RNF180: variants seen among roughly 807,000 people sequenced by gnomAD.
The protein encoded by RNF180 is ring finger protein 180.
RNF180 carries 38 observed loss-of-function variants against 59.2 expected under a neutral mutation model. That is an observed-to-expected ratio of 0.64 (90% CI 0.50 to 0.84). RNF180 has a LOEUF of 0.84. Ranked by LOEUF, RNF180 falls within the 40% of genes least tolerant of loss-of-function variation. RNF180 has a pLI of 0.00. For synonymous variants in RNF180, 262 were observed against 240.3 expected (o/e 1.09, Z -0.84); for missense variants, 705 against 700.9 (o/e 1.01, Z -0.07).
In RNF180 at chr5:64,214,316, T is replaced by C; in HGVS notation, c.990T>C (p.Thr330=). ...YSDHTNTNNL[T]FLMDLPSAGR... is the part of the protein sequence containing the mutation. ...ACCATACTAATACTAACAATCTGAC[T>C]TTCCTGATGGACCTGCCCTCAGCTG... The change falls in exon 4 of 8, where the codon ACT becomes ACC. Residue 330 remains threonine (T), a synonymous_variant. Transcript: ENST00000389100. 1 of 1,614,068 alleles carries C rather than the reference T, an allele frequency of 6.2e-7. No homozygotes were observed. The highest frequency in any genetic ancestry group is 8.5e-7 in the Non-Finnish European group (1 of 1,180,006).
intron 1 of RNF180, among the ~76,000 whole-genome samples, chr5:64,182,272 C>T (rs554400136): frequency 9.9e-5 from 15 of 152,066 alleles, no homozygotes; most frequent in Non-Finnish European, 1.9e-4. Context: ...ATTACAGCTA[C>T]TTTCTTAAAT....
rs541711815 is a variant in RNF180 at position 64,358,480 on chromosome 5, T to C, written c.1580-11135T>C. 1.4e-4 allele frequency among the ~76,000 whole-genome samples: 22 copies of C among 151,866 alleles called. 1 individual carries two copies. Among genetic ancestry groups the C allele is most frequent in the African/African-American group, 5.3e-4 (22 of 41,522 alleles). On this transcript the variant is annotated intron_variant, in intron 7 of 7. Coordinates refer to ENST00000389100, the MANE Select transcript of RNF180 (RefSeq NM_001113561.2). ...AAAACTTGGATGTAATGGATAATCT[T>C]TTATAAAAGTTATTAGAAATGGCTC...
At chr5:64,349,888 C>G (rs1261618977) in intron 7 of RNF180, among the ~76,000 whole-genome samples, 1 of 152,090 alleles carries the variant, frequency 6.6e-6, no homozygotes, top group Non-Finnish European at 1.5e-5. Context: ...AATAGTGTTG[C>G]AATAAACATA....
chr5:64,306,122 T>TG (rs1411509427), intron 5 of RNF180, among the ~76,000 whole-genome samples: 1 of 151,706 alleles, frequency 6.6e-6, no homozygotes, highest in Non-Finnish European at 1.5e-5. Flanking sequence ...AAATGTAACT[T>TG]GCAGTTATTG....
chr5:64,368,267 AACT>A, intron 7 of RNF180, among the ~76,000 whole-genome samples: 1 of 151,922 alleles, frequency 6.6e-6, no homozygotes, highest in East Asian at 1.9e-4. Flanking sequence ...CAAAGAACTA[AACT>A]GAATGAAATT....
At chr5:64,300,992 A>G (rs1306993158) in intron 5 of RNF180, among the ~76,000 whole-genome samples, 1 of 151,672 alleles carries the variant, frequency 6.6e-6, no homozygotes, top group African/African-American at 2.4e-5. Context: ...CTCACTCTCA[A>G]AGACATCACA....
At chr5:64,333,415 C>A (rs979083528) in intron 7 of RNF180, among the ~76,000 whole-genome samples, 1 of 151,250 alleles carries the variant, frequency 6.6e-6, no homozygotes, top group African/African-American at 2.5e-5. Flanking sequence ...GGTGATCCAC[C>A]CGCCTTGGCC....
At chr5:64,237,198 C>A (rs984341502) in intron 5 of RNF180, among the ~76,000 whole-genome samples, 1 of 152,164 alleles carries the variant, frequency 6.6e-6, no homozygotes, top group African/African-American at 2.4e-5. Context: ...GGGGCTGTAC[C>A]CATTAGATCC....
intron 7 of RNF180, among the ~76,000 whole-genome samples, chr5:64,335,483 G>C (rs377341974): frequency 6.6e-6 from 1 of 150,872 alleles, no homozygotes; most frequent in Non-Finnish European, 1.5e-5. Flanking sequence ...TACTTTCTTT[G>C]TTGTAGGTAG....
intron 7 of RNF180, among the ~76,000 whole-genome samples, chr5:64,339,370 C>T (rs150741026): frequency 1.5e-3 from 222 of 152,158 alleles, no homozygotes; most frequent in African/African-American, 5.2e-3. Context: ...AATTTCCCTT[C>T]ATCACTTGTA....
intron 5 of RNF180, among the ~76,000 whole-genome samples, chr5:64,322,602 C>CGT (rs76117470): frequency 0.04 from 5,693 of 143,412 alleles, 132 homozygotes; most frequent in South Asian, 0.06. Flanking sequence ...TATATATATA[C>CGT]GTGTGTGTGT....
chr5:64,192,903 G>GTGTATATATA (rs1486448173), intron 1 of RNF180, among the ~76,000 whole-genome samples: 34 of 93,886 alleles, frequency 3.6e-4, no homozygotes, highest in East Asian at 4.8e-4. Context: ...AGTGTGGCAT[G>GTGTATATATA]TATATATATA....
At chr5:64,237,111 C>G (rs546347401) in intron 5 of RNF180, among the ~76,000 whole-genome samples, 1 of 152,156 alleles carries the variant, frequency 6.6e-6, no homozygotes, top group Non-Finnish European at 1.5e-5. Context: ...CCCCAGAATG[C>G]TAGATCCACT....
chr5:64,368,486 G>A (rs962816355), intron 7 of RNF180, among the ~76,000 whole-genome samples: 1 of 151,664 alleles, frequency 6.6e-6, no homozygotes, highest in African/African-American at 2.4e-5. Context: ...GCAGACCTAG[G>A]CAAATCTCCT....
In RNF180 at chr5:64,371,999, C is replaced by T. The variant is rs75939218; in HGVS notation, c.*2185C>T. 223 of 151,658 alleles carry T rather than the reference C, an allele frequency of 1.5e-3. 1 individual carries two copies. The highest frequency in any genetic ancestry group is 5.1e-3 in the African/African-American group (213 of 41,450). The allele number at this position is 151,658 out of a possible 1,614,324, so 9.4% of individuals were successfully genotyped here. On this transcript the variant is annotated 3_prime_UTR_variant, in exon 8 of 8. Transcript: ENST00000389100. ...TCCTAAGCATCTCTCACAGTAAAAA[C>T]TCACTGTCCAATAAAGAGCCAAAGA...
intron 5 of RNF180, among the ~76,000 whole-genome samples, chr5:64,302,391 A>G (rs1022584306): frequency 1.4e-4 from 21 of 151,450 alleles, no homozygotes; most frequent in Admixed American, 4.6e-4. Context: ...CATTGTCTCT[A>G]TGGTTTTTAA....
intron 5 of RNF180, among the ~76,000 whole-genome samples, chr5:64,277,030 CCTAGTGCCTTGGGT>C (rs1385295220): frequency 1.3e-5 from 2 of 151,714 alleles, no homozygotes; most frequent in African/African-American, 4.8e-5. Context: ...CTGTAGCATC[CCTAGTGCCTTGGGT>C]ATTCTTGCTA....
intron 5 of RNF180, among the ~76,000 whole-genome samples, chr5:64,252,558 T>C (rs1443805413): frequency 6.6e-6 from 1 of 152,082 alleles, no homozygotes; most frequent in Admixed American, 6.6e-5. Flanking sequence ...ACAAGGTTTT[T>C]TGTCAATTAA....
At chr5:64,326,005 A>G (rs1030582708) in intron 6 of RNF180, among the ~76,000 whole-genome samples, 1 of 152,212 alleles carries the variant, frequency 6.6e-6, no homozygotes, top group Non-Finnish European at 1.5e-5. Flanking sequence ...AACATAGAGA[A>G]TGACTAAGGG....
Sources: gnomAD v4.1 joint callset for allele counts (sites outside exome capture counted in the v4.1 genomes callset) on GRCh38, gnomAD v4.1.1 for gene constraint, MANE v1.5 for transcripts, NCBI Gene and HGNC (gene_info 2026-07-23, HGNC 2026-07-21) for gene names.